The following GLI2 variants were observed in gnomAD, a reference collection of about 807,000 sequenced individuals.
The protein encoded by GLI2 is transcription activator GLI2.
Under a neutral mutation model 78.9 loss-of-function variants are expected in GLI2, and 22 were observed. The observed-to-expected ratio is 0.28, with a 90% CI of 0.20 to 0.40. GLI2 has a LOEUF of 0.40. Among genes scored for constraint, GLI2 ranks in the 10% least tolerant of loss-of-function variants. The pLI, the probability that GLI2 is intolerant of heterozygous loss-of-function variation, is 1.00. For synonymous variants in GLI2, 974 were observed against 963.7 expected (o/e 1.01, Z -0.20); for missense variants, 2,097 against 2,213.2 (o/e 0.95, Z 1.05).
chr2:120,984,609 C>G lies in GLI2; in HGVS notation c.1771C>G (p.Pro591Ala), dbSNP rs779910601. The G allele has an allele frequency of 6.2e-7, 1 of 1,614,242 alleles. No homozygotes were observed. The highest frequency in any genetic ancestry group is 1.6e-4 in the Middle Eastern group (1 of 6,062). Residue 591 changes from proline to alanine, a missense_variant, in exon 12 of 14, where the codon CCG (proline) becomes GCG (alanine). Coordinates refer to ENST00000361492, the MANE Select transcript of GLI2 (RefSeq NM_001374353.1). ...KQRNDVHLRT[P>A]LLKENGDSEA... ...GCGCAATGACGTGCACCTCCGCACA[C>G]CGCTGCTCAAAGAGAATGGGGACAG...
intron 3 of GLI2, among the ~76,000 whole-genome samples, chr2:120,932,801 C>T (rs1317818811): frequency 1.3e-5 from 2 of 152,100 alleles, no homozygotes; most frequent in African/African-American, 4.8e-5. Flanking sequence ...CCACGGCAGG[C>T]TGGGAGACTG....
At chr2:120,808,973 C>T (rs538050935) in intron 2 of GLI2, among the ~76,000 whole-genome samples, 2 of 152,280 alleles carry the variant, frequency 1.3e-5, no homozygotes, top group Admixed American at 6.5e-5. Flanking sequence ...TTTCTAGCTC[C>T]AGGTCATCAG....
chr2:120,990,188 G>T lies in GLI2; in HGVS notation c.4223G>T (p.Gly1408Val), dbSNP rs748233304. 1 of 1,613,080 alleles carries T rather than the reference G, an allele frequency of 6.2e-7. No homozygotes were observed. The highest frequency in any genetic ancestry group is 8.5e-7 in the Non-Finnish European group (1 of 1,179,908). ...AVPKGAMGNMGSVPPQPPPQD... is the reference protein window; with the variant it reads ...AVPKGAMGNMVSVPPQPPPQD... ...CCCAAGGGAGCGATGGGCAACATGG[G>T]GTCGGTGCCTCCCCAGCCGCCTCCG... Residue 1408 changes from glycine (G) to valine (V), a missense_variant, in exon 14 of 14, where the codon GGG (glycine) becomes GTG (valine). Gly to Val is a moderately radical substitution (Grantham distance 109). Transcript: ENST00000361492.
intron 3 of GLI2, among the ~76,000 whole-genome samples, chr2:120,945,489 G>T (rs960934371): frequency 6.6e-6 from 1 of 152,256 alleles, no homozygotes; most frequent in East Asian, 1.9e-4. Flanking sequence ...AGCACTTATG[G>T]CTGGGGTCTG....
intron 2 of GLI2, among the ~76,000 whole-genome samples, chr2:120,812,581 C>A (rs1370625693): frequency 1.3e-5 from 2 of 152,138 alleles, no homozygotes; most frequent in Non-Finnish European, 2.9e-5. Flanking sequence ...GGTCATGACT[C>A]CCAGAGTGGC....
At position 120,988,275 on chromosome 2, in the gene GLI2, G is replaced by T; in HGVS notation, c.2310G>T (p.Arg770=). The change falls in exon 14 of 14, where the codon CGG becomes CGT. Residue 770 remains arginine, a synonymous_variant. Coordinates refer to ENST00000361492, the MANE Select transcript of GLI2 (RefSeq NM_001374353.1). ...CCGCGGGGCTGCTGCCGAACCCGCG[G>T]CTGTCGGAGCTGTCCGCGAGCGAGG... ...GGPAGLLPNP[R]LSELSASEVT... 1 of 1,564,670 alleles carries T rather than the reference G, an allele frequency of 6.4e-7. No individual in the cohort carries two copies. Among genetic ancestry groups the T allele is most frequent in the Admixed American group, 1.8e-5 (1 of 55,336 alleles).
At chr2:120,867,677 A>G (rs1688211455) in intron 2 of GLI2, among the ~76,000 whole-genome samples, 1 of 152,228 alleles carries the variant, frequency 6.6e-6, no homozygotes, top group Non-Finnish European at 1.5e-5. Context: ...TTGTGTGTGA[A>G]GGCCTGGCCT....
chr2:120,816,082 G>A (rs770375329), intron 2 of GLI2, among the ~76,000 whole-genome samples: 6 of 152,162 alleles, frequency 3.9e-5, no homozygotes, highest in Non-Finnish European at 7.4e-5. Flanking sequence ...CCACAGATCA[G>A]TGATGATGTT....
chr2:120,954,939 C>T (rs928903627), intron 4 of GLI2, among the ~76,000 whole-genome samples: 6 of 152,100 alleles, frequency 3.9e-5, no homozygotes, highest in African/African-American at 1.4e-4. Flanking sequence ...GCATGGGGCT[C>T]CGGGATTCTG....
chr2:120,793,560 C>G (rs886339767), intron 1 of GLI2, among the ~76,000 whole-genome samples: 2 of 152,174 alleles, frequency 1.3e-5, no homozygotes, highest in African/African-American at 4.8e-5. Flanking sequence ...TTGTGCTAAT[C>G]CCGCTAATTC....
intron 1 of GLI2, among the ~76,000 whole-genome samples, chr2:120,782,364 C>A (rs1683874567): frequency 6.6e-6 from 1 of 152,140 alleles, no homozygotes; most frequent in Admixed American, 6.6e-5. Context: ...CCTGAGCAGG[C>A]CTTCTTTGGT....
chr2:120,849,519 C>G (rs1426055576), intron 2 of GLI2, among the ~76,000 whole-genome samples: 1 of 152,144 alleles, frequency 6.6e-6, no homozygotes, highest in East Asian at 1.9e-4. Context: ...TAAGGTAACT[C>G]TCTGGGGTAA....
intron 2 of GLI2, among the ~76,000 whole-genome samples, chr2:120,820,096 C>T (rs532825407): frequency 3.3e-5 from 5 of 152,084 alleles, no homozygotes; most frequent in South Asian, 2.1e-4. Context: ...AGGCATCCAC[C>T]CTTAGAAAGA....
Position 120,990,718 on chromosome 2 carries a change from G to C in GLI2, c.*43G>C, listed in dbSNP as rs557657719. ...GCTGAGTGCACCCGGAGGGGTCATC[G>C]CTGCCCAGAGCCTGGGGATTCCAGC... is the stretch of plus-strand genomic sequence containing the variant. On this transcript the variant is annotated 3_prime_UTR_variant, in exon 14 of 14. Transcript: ENST00000361492. 1.3e-6 allele frequency: 2 copies of C among 1,504,218 alleles called. No homozygotes were observed. Among genetic ancestry groups the C allele is most frequent in the Non-Finnish European group, 9.1e-7 (1 of 1,097,056 alleles). 93.2% of individuals were successfully genotyped at this position (1,504,218 alleles called of 1,614,324 possible).
intron 1 of GLI2, among the ~76,000 whole-genome samples, chr2:120,788,976 AC>A (rs1684071456): frequency 1.3e-5 from 2 of 148,434 alleles, no homozygotes; most frequent in Admixed American, 1.3e-4. Context: ...CTCCCCAGAT[AC>A]CCTGACAGCC....
chr2:120,846,508 C>T (rs993684619), intron 2 of GLI2, among the ~76,000 whole-genome samples: 1 of 152,204 alleles, frequency 6.6e-6, no homozygotes, highest in Admixed American at 6.5e-5. Context: ...GGTGGTGGTA[C>T]TGTACCTGTT....
In GLI2 at chr2:120,862,733, G is replaced by A. The variant is rs149121394; in HGVS notation, c.149-64628G>A. On this transcript the variant is annotated intron_variant, in intron 2 of 13. Coordinates refer to ENST00000361492, the MANE Select transcript of GLI2 (RefSeq NM_001374353.1). ...GGTGCCTGTGCAGGGCAGGCACTCCGAGGTTCTGGGTGAGCGAGTGTGGGG... is the reference window on the plus strand; with the variant it reads ...GGTGCCTGTGCAGGGCAGGCACTCCAAGGTTCTGGGTGAGCGAGTGTGGGG... Among the ~76,000 whole-genome samples the A allele has an allele frequency of 5.0e-3, 765 of 152,314 alleles. 10 individuals are homozygous for A. The highest frequency in any genetic ancestry group is 0.025 in the Admixed American group (383 of 15,306).
At chr2:120,958,333 G>A (rs919006449) in intron 5 of GLI2, among the ~76,000 whole-genome samples, 1 of 152,104 alleles carries the variant, frequency 6.6e-6, no homozygotes. Context: ...ACTCACTCTT[G>A]CAGGATTCTG....
chr2:120,755,228 A>T (rs1260740059), intron 1 of GLI2, among the ~76,000 whole-genome samples: 1 of 152,248 alleles, frequency 6.6e-6, no homozygotes, highest in Non-Finnish European at 1.5e-5. Context: ...ATGGTATTTG[A>T]AAGTTCCATT....
Sources: allele counts gnomAD v4.1 joint callset (sites outside exome capture counted in the v4.1 genomes callset), GRCh38; gene constraint gnomAD v4.1.1; transcripts MANE v1.5; gene names NCBI Gene and HGNC (gene_info 2026-07-23, HGNC 2026-07-21).